RPH3A: variants seen among roughly 807,000 people sequenced by gnomAD.
The protein encoded by RPH3A is rabphilin 3A, also known as rabphilin-3A.
A neutral mutation model predicts 102.2 loss-of-function variants in RPH3A; 48 were observed. The observed-to-expected ratio is 0.47, with a 90% CI of 0.37 to 0.60. The LOEUF is 0.60. Ranked by LOEUF, RPH3A falls within the 20% of genes least tolerant of loss-of-function variation. RPH3A has a pLI of 0.00. For missense variants in RPH3A, 781 were observed against 910.1 expected (o/e 0.86, Z 1.83); for synonymous variants, 310 against 324.3 (o/e 0.96, Z 0.47).
At chr12:112,894,426 C>A (rs924002104) in intron 19 of RPH3A, 152 bp from the exon 20 acceptor site, 2 of 705,610 alleles carry the variant, frequency 2.8e-6, no homozygotes, top group African/African-American at 1.8e-5. Flanking sequence ...TGGTACCAAG[C>A]AGATGCTCTA....
At chr12:112,639,656 G>C (rs2039872671) in intron 1 of RPH3A, among the ~76,000 whole-genome samples, 1 of 152,112 alleles carries the variant, frequency 6.6e-6, no homozygotes, top group Non-Finnish European at 1.5e-5. Context: ...AAGTTGAAGG[G>C]AGCCCCCCTC....
intron 1 of RPH3A, among the ~76,000 whole-genome samples, chr12:112,692,512 C>A (rs1357873862): frequency 6.6e-6 from 1 of 152,088 alleles, no homozygotes; most frequent in African/African-American, 2.4e-5. Context: ...TGCTCAACAG[C>A]CACTTGTGGC....
At chr12:112,843,364 C>T (rs1006614564) in intron 4 of RPH3A, among the ~76,000 whole-genome samples, 1 of 152,200 alleles carries the variant, frequency 6.6e-6, no homozygotes, top group African/African-American at 2.4e-5. Flanking sequence ...TTTTCAAACA[C>T]GATGAGCTGT....
intron 1 of RPH3A, among the ~76,000 whole-genome samples, chr12:112,677,476 T>A (rs974959734): frequency 7.0e-6 from 1 of 141,910 alleles, no homozygotes; most frequent in Non-Finnish European, 1.5e-5. Context: ...CTTCCTTCCT[T>A]CCTTCCTTCC....
At chr12:112,727,474 C>G (rs1253760237) in intron 1 of RPH3A, among the ~76,000 whole-genome samples, 1 of 113,546 alleles carries the variant, frequency 8.8e-6, no homozygotes, top group Non-Finnish European at 1.9e-5. Flanking sequence ...CACACACACA[C>G]ACACACACAC....
intron 1 of RPH3A, among the ~76,000 whole-genome samples, chr12:112,779,345 C>T (rs931356293): frequency 6.6e-6 from 1 of 152,134 alleles, no homozygotes; most frequent in Admixed American, 6.5e-5. Flanking sequence ...GTTTTAGTAT[C>T]CCTGCAGCAT....
intron 3 of RPH3A, among the ~76,000 whole-genome samples, chr12:112,829,098 T>C (rs2041926795): frequency 6.6e-6 from 1 of 152,240 alleles, no homozygotes. Context: ...CTGGAACAGA[T>C]GACCTCTAAG....
intron 1 of RPH3A, among the ~76,000 whole-genome samples, chr12:112,628,044 T>G (rs1050990371): frequency 5.9e-5 from 9 of 151,964 alleles, no homozygotes; most frequent in Non-Finnish European, 1.3e-4. Context: ...TTGCAAGAAC[T>G]CACTCACTGT....
rs553477739 is a variant in RPH3A, at chr12:112,834,165, C to A, written c.72-2326C>A. Among the ~76,000 whole-genome samples the A allele has an allele frequency of 2.0e-5, 3 of 152,290 alleles. No homozygotes were observed. In the South Asian group the frequency reaches 6.2e-4, roughly 32 times the overall value. On this transcript the variant is annotated intron_variant, in intron 3 of 21. Transcript: ENST00000389385. Reference sequence around the variant, plus strand: ...CTCCCCACCCATCCCTAAGTCATCACTATTTAGCAATAAATTTGTTTGCAT... The same window carrying A: ...CTCCCCACCCATCCCTAAGTCATCAATATTTAGCAATAAATTTGTTTGCAT...
At chr12:112,597,960 C>G (rs2039529679) in intron 1 of RPH3A, among the ~76,000 whole-genome samples, 1 of 152,212 alleles carries the variant, frequency 6.6e-6, no homozygotes, top group Non-Finnish European at 1.5e-5. Context: ...GTCCAATTGA[C>G]TGTGATTCCA....
At chr12:112,627,088 T>G in intron 1 of RPH3A, among the ~76,000 whole-genome samples, 2 of 121,402 alleles carry the variant, frequency 1.6e-5, no homozygotes, top group East Asian at 2.5e-4. Flanking sequence ...AGGGATAGCA[T>G]TGGGAGATAT....
chr12:112,742,719 A>G (rs1373057637), intron 1 of RPH3A, among the ~76,000 whole-genome samples: 1 of 152,220 alleles, frequency 6.6e-6, no homozygotes, highest in Non-Finnish European at 1.5e-5. Context: ...GGTGAGGACC[A>G]AAGGAGCTTG....
intron 1 of RPH3A, among the ~76,000 whole-genome samples, chr12:112,577,051 A>G (rs1162315975): frequency 6.6e-6 from 1 of 151,926 alleles, no homozygotes; most frequent in Non-Finnish European, 1.5e-5. Context: ...TAACACAGGC[A>G]TGTGCCACTG....
chr12:112,881,894 G>A (rs1366966020), intron 15 of RPH3A, 48 bp downstream of exon 15: 18 of 1,486,104 alleles, frequency 1.2e-5, no homozygotes, highest in Non-Finnish European at 1.7e-5. Context: ...ATGGGCCCTG[G>A]CAGATACCCA....
chr12:112,866,015 A>G (rs1050661293), intron 6 of RPH3A, among the ~76,000 whole-genome samples: 7 of 152,218 alleles, frequency 4.6e-5, no homozygotes, highest in African/African-American at 1.4e-4. Context: ...CTCAAAGGCG[A>G]GTAATCCTGA....
intron 1 of RPH3A, among the ~76,000 whole-genome samples, chr12:112,702,728 C>T (rs908080690): frequency 1.3e-5 from 2 of 152,190 alleles, no homozygotes; most frequent in African/African-American, 4.8e-5. Flanking sequence ...GCAAGGAGCC[C>T]CCCAAAAATG....
chr12:112,889,241 C>T (rs1170605520), intron 17 of RPH3A, among the ~76,000 whole-genome samples: 1 of 152,252 alleles, frequency 6.6e-6, no homozygotes, highest in Non-Finnish European at 1.5e-5. Context: ...CTGGTGACAG[C>T]TGGGTCTTCA....
intron 1 of RPH3A, among the ~76,000 whole-genome samples, chr12:112,748,269 T>C (rs2040761831): frequency 6.6e-6 from 1 of 152,186 alleles, no homozygotes; most frequent in South Asian, 2.1e-4. Flanking sequence ...CGTGTATGGC[T>C]ATACATTGGA....
chr12:112,713,196 T>G (rs1037329444), intron 1 of RPH3A, among the ~76,000 whole-genome samples: 3 of 151,560 alleles, frequency 2.0e-5, no homozygotes, highest in African/African-American at 4.8e-5. Flanking sequence ...CCTCTCAAAG[T>G]GCTGGGATTA....
Sources: gnomAD v4.1 joint callset for allele counts (sites outside exome capture counted in the v4.1 genomes callset) on GRCh38, gnomAD v4.1.1 for gene constraint, MANE v1.5 for transcripts, NCBI Gene and HGNC (gene_info 2026-07-23, HGNC 2026-07-21) for gene names.